The following KMT2C variants were observed in gnomAD, a reference collection of about 807,000 sequenced individuals.
KMT2C encodes histone-lysine N-methyltransferase 2C.
KMT2C carries 88 observed loss-of-function variants against 507.9 expected under a neutral mutation model. The ratio of observed to expected loss-of-function variants is 0.17; its 90% CI spans 0.15 to 0.21. The LOEUF (loss-of-function observed/expected upper bound fraction) is 0.21, where lower values mean the gene tolerates loss of function less well. Ranked by LOEUF, KMT2C falls within the 10% of genes least tolerant of loss-of-function variation. The probability of loss-of-function intolerance (pLI) is 1.00; values close to 1 mark genes in which losing one functional copy is unlikely to be tolerated. For synonymous variants in KMT2C, 2,049 were observed against 2,080.8 expected (o/e 0.98, Z 0.42); for missense variants, 4,954 against 5,957.8 (o/e 0.83, Z 5.55).
intron 48 of KMT2C, 105 bp downstream of exon 48, chr7:152,153,905 T>C: frequency 1.7e-6 from 2 of 1,165,732 alleles, no homozygotes; most frequent in East Asian, 2.4e-5. Context: ...TCTGACCCTT[T>C]ATCCTCAGTG....
At chr7:152,312,761 G>A (rs1341975462) in intron 4 of KMT2C, among the ~76,000 whole-genome samples, 1 of 152,144 alleles carries the variant, frequency 6.6e-6, no homozygotes, top group Admixed American at 6.5e-5. Flanking sequence ...AATGGCTATT[G>A]TACTTAATTA....
intron 4 of KMT2C, 103 bp from the exon 5 acceptor site, chr7:152,312,049 C>A: frequency 1.2e-6 from 1 of 843,078 alleles, no homozygotes; most frequent in South Asian, 2.5e-5. Context: ...TTTAATTTAT[C>A]AGCCATTAAC....
intron 33 of KMT2C, 41 bp from the exon 34 acceptor site, chr7:152,185,672 T>C (rs1249248014): frequency 7.2e-6 from 10 of 1,387,568 alleles, no homozygotes; most frequent in Non-Finnish European, 9.2e-6. Context: ...CTCAGAGCCA[T>C]GCTAATGATG....
chr7:152,193,377 A>G (rs190835511), intron 31 of KMT2C, among the ~76,000 whole-genome samples: 35 of 152,290 alleles, frequency 2.3e-4, no homozygotes, highest in African/African-American at 6.5e-4. Context: ...AAATGAACAA[A>G]ATAGGCAAAC....
intron 1 of KMT2C, among the ~76,000 whole-genome samples, chr7:152,422,766 G>A (rs551493602): frequency 6.6e-6 from 1 of 152,284 alleles, no homozygotes; most frequent in Admixed American, 6.5e-5. Context: ...GCTCACGCCT[G>A]TAATCTCAGC....
chr7:152,376,134 A>C lies in KMT2C; in HGVS notation c.162-17459T>G, dbSNP rs564180028. The stretch of plus-strand genomic sequence containing the variant: ...GTTACTATTGTAATTGTTTTGGAAC[A>C]CCATGAACCACGCCCACATAAGATG... On this transcript the variant is annotated intron_variant, in intron 1 of 58. Coordinates refer to ENST00000262189, the MANE Select transcript of KMT2C (RefSeq NM_170606.3). 1.4e-3 allele frequency among the ~76,000 whole-genome samples: 217 copies of C among 152,320 alleles called. 2 individuals carry two copies. Among genetic ancestry groups the C allele is most frequent in the Admixed American group, 5.5e-3 (84 of 15,300 alleles).
At chr7:152,364,934 GACACACACACAC>G (rs71198778) in intron 1 of KMT2C, among the ~76,000 whole-genome samples, 18 of 138,054 alleles carry the variant, frequency 1.3e-4, no homozygotes, top group Admixed American at 4.3e-4. Flanking sequence ...GAAACAGACA[GACACACACACAC>G]ACACACACAC....
In KMT2C at chr7:152,145,249, C is replaced by CG; in HGVS notation, c.14077dup (p.Arg4693ProfsTer12). 6.2e-7 allele frequency: 1 copy of CG among 1,614,088 alleles called. No homozygotes were observed. Among genetic ancestry groups the CG allele is most frequent in the Non-Finnish European group, 8.5e-7 (1 of 1,179,990 alleles). On this transcript the variant is annotated frameshift_variant, in exon 54 of 59. Transcript: ENST00000262189. LOFTEE classifies it high-confidence loss of function. ...AAGAGGAAGTTCCATGAGAGGATTT[C>CG]GGCCGTATCGGAAGGTATAATTTTC...
At chr7:152,376,199 G>C (rs1237538909) in intron 1 of KMT2C, among the ~76,000 whole-genome samples, 1 of 152,152 alleles carries the variant, frequency 6.6e-6, no homozygotes, top group Non-Finnish European at 1.5e-5. Context: ...CCACCAATTA[G>C]CCATTCCCTA....
chr7:152,414,206 T>C (rs1373859995), intron 1 of KMT2C, among the ~76,000 whole-genome samples: 1 of 142,468 alleles, frequency 7.0e-6, no homozygotes, highest in Non-Finnish European at 1.5e-5. Context: ...TGAGACTCTG[T>C]TTCAAAAAAA....
Position 152,162,125 on chromosome 7 carries a change from C to A in KMT2C, c.11452G>T (p.Glu3818Ter). The A allele has an allele frequency of 6.4e-7, 1 of 1,551,804 alleles. No individual in the cohort carries two copies. The highest frequency in any genetic ancestry group is 8.7e-7 in the Non-Finnish European group (1 of 1,153,848). ...TTATGATTTACACTTACCAGTCCTTCAGCTGGGTTCTGCTTCTCAACTAGT... is the reference window on the plus strand; with the variant it reads ...TTATGATTTACACTTACCAGTCCTTAAGCTGGGTTCTGCTTCTCAACTAGT... Reference protein sequence around the residue: ...NKLVEKQNPAEGLQTLGAQMQ... With the variant: ...NKLVEKQNPA Residue 3818 changes from glutamate to a stop codon, truncating the protein, a stop_gained, in exon 43 of 59, where the codon GAA (glutamate) becomes TAA (stop). Transcript: ENST00000262189. LOFTEE classifies it high-confidence loss of function.
At chr7:152,253,514 CAAAAAAAAAAAAA>C (rs71198770) in intron 9 of KMT2C, among the ~76,000 whole-genome samples, 30 of 39,516 alleles carry the variant, frequency 7.6e-4, no homozygotes, top group East Asian at 1.7e-3. Context: ...TCTTTCTCTA[CAAAAAAAAAAAAA>C]AAAAAAAAAA....
intron 53 of KMT2C, among the ~76,000 whole-genome samples, 183 bp from the exon 54 acceptor site, chr7:152,145,478 T>C (rs6973417): frequency 0.091 from 13,841 of 152,238 alleles, 1,305 homozygotes; most frequent in African/African-American, 0.24. Flanking sequence ...AATATGAGTA[T>C]GCAAATTCAG....
chr7:152,351,707 C>T lies in KMT2C; in HGVS notation c.250+6880G>A, dbSNP rs143769062. ...AAAATAATACTTTTATAATTTCTTA[C>T]GCCTGTCTTTACTGTAATCTCTGAA... On this transcript the variant is annotated intron_variant, in intron 2 of 58. Coordinates refer to ENST00000262189, the MANE Select transcript of KMT2C (RefSeq NM_170606.3). Among the ~76,000 whole-genome samples the T allele has an allele frequency of 1.8e-4, 27 of 152,286 alleles. No homozygotes were observed. In the East Asian group the frequency reaches 2.9e-3, roughly 16 times the overall value.
At chr7:152,300,663 C>T (rs978890601) in intron 6 of KMT2C, among the ~76,000 whole-genome samples, 1 of 152,196 alleles carries the variant, frequency 6.6e-6, no homozygotes, top group Non-Finnish European at 1.5e-5. Flanking sequence ...CTAAGCTGAT[C>T]CCATGAGTCC....
chr7:152,176,158 G>A (rs749981455), intron 38 of KMT2C, 33 bp downstream of exon 38: 2 of 1,542,420 alleles, frequency 1.3e-6, no homozygotes, highest in Non-Finnish European at 1.7e-6. Flanking sequence ...AATACCCATA[G>A]TAATATACGT....
chr7:152,158,754 A>AG (rs1587778114), intron 44 of KMT2C, 109 bp downstream of exon 44: 2 of 943,614 alleles, frequency 2.1e-6, no homozygotes, highest in East Asian at 4.8e-5. Flanking sequence ...GCCTCAAGTG[A>AG]TCCACCTGCC....
chr7:152,435,749 T>A lies in KMT2C; in HGVS notation c.38A>T (p.Gln13Leu). 1 of 1,502,634 alleles carries A rather than the reference T, an allele frequency of 6.7e-7. No homozygotes were observed. The highest frequency in any genetic ancestry group is 1.2e-5 in the South Asian group (1 of 83,048). The allele number at this position is 1,502,634 out of a possible 1,614,324, so 93.1% of individuals were successfully genotyped here. ...CTCCTCGGGGGGTGGTGGCGGCGGC[T>A]GCGGCTGCTCCACGCTCTTGTCCTC... Reference protein sequence around the residue: ...SEEDKSVEQPQPPPPPPEEPG... With the variant: ...SEEDKSVEQPLPPPPPPEEPG... The change falls in exon 1 of 59, where the codon CAG (glutamine) becomes CTG (leucine). Residue 13 changes from glutamine (Q) to leucine (L), a missense_variant. By Grantham distance (113) the Gln-to-Leu change is moderately radical. Around this residue, in one of 29 missense-constraint regions of KMT2C, gnomAD observed 51 missense variants for 43.5 expected, o/e 1.17. Transcript: ENST00000262189.
chr7:152,188,012 A>G (rs1044180255), intron 31 of KMT2C, among the ~76,000 whole-genome samples, 165 bp from the exon 32 acceptor site: 3 of 152,212 alleles, frequency 2.0e-5, no homozygotes, highest in African/African-American at 7.2e-5. Flanking sequence ...CCATGCATAG[A>G]GAGGACCAAC....
Sources: gnomAD v4.1 joint callset for allele counts (sites outside exome capture counted in the v4.1 genomes callset) on GRCh38, gnomAD v4.1.1 for gene constraint, gnomAD v4.1.1 regional missense constraint, MANE v1.5 for transcripts, NCBI Gene and HGNC (gene_info 2026-07-23, HGNC 2026-07-21) for gene names.